Variants in GAB1 observed in about 807,000 individuals in gnomAD.
The protein encoded by GAB1 is GRB2 associated binding protein 1, also known as GRB2-associated-binding protein 1.
GAB1 carries 19 observed loss-of-function variants against 66.5 expected under a neutral mutation model. That is an observed-to-expected ratio of 0.29 (90% CI 0.20 to 0.42). The LOEUF is 0.42. GAB1 is among the 10% of genes least tolerant of loss of function. The probability of loss-of-function intolerance (pLI) is 1.00; values close to 1 mark genes in which losing one functional copy is unlikely to be tolerated. For missense variants in GAB1, 732 were observed against 858.5 expected (o/e 0.85, Z 1.84); for synonymous variants, 294 against 301.4 (o/e 0.98, Z 0.25).
intron 1 of GAB1, among the ~76,000 whole-genome samples, chr4:143,372,423 G>A (rs1730165329): frequency 6.6e-6 from 1 of 152,164 alleles, no homozygotes; most frequent in South Asian, 2.1e-4. Context: ...ACAAGACAAA[G>A]CTTCTGCCTT....
At chr4:143,456,917 A>T (rs1735222483) in intron 6 of GAB1, among the ~76,000 whole-genome samples, 1 of 152,226 alleles carries the variant, frequency 6.6e-6, no homozygotes, top group Non-Finnish European at 1.5e-5. Context: ...CAGTGCTTTT[A>T]TGTGGCAGAC....
intron 6 of GAB1, among the ~76,000 whole-genome samples, chr4:143,446,400 A>T (rs1458991706): frequency 1.3e-5 from 2 of 152,136 alleles, no homozygotes; most frequent in East Asian, 3.9e-4. Flanking sequence ...ACTAGTTTAC[A>T]GTCCCACCAA....
intron 1 of GAB1, among the ~76,000 whole-genome samples, chr4:143,402,446 A>G (rs778553189): frequency 3.9e-5 from 6 of 152,172 alleles, no homozygotes; most frequent in Non-Finnish European, 8.8e-5. Context: ...TCTGTGTTCC[A>G]CTTGACTTCT....
At chr4:143,461,839 G>T (rs1461606429) in intron 8 of GAB1, among the ~76,000 whole-genome samples, 1 of 152,016 alleles carries the variant, frequency 6.6e-6, no homozygotes, top group African/African-American at 2.4e-5. Context: ...TCAATGAATT[G>T]GTTTTTCATC....
chr4:143,463,886 C>T (rs1357505352), intron 8 of GAB1, among the ~76,000 whole-genome samples: 1 of 152,114 alleles, frequency 6.6e-6, no homozygotes, highest in Non-Finnish European at 1.5e-5. Flanking sequence ...GTTAACTAGC[C>T]ACCCTGAGAA....
chr4:143,369,058 G>GC (rs1730005388), intron 1 of GAB1, among the ~76,000 whole-genome samples: 2 of 152,202 alleles, frequency 1.3e-5, no homozygotes, highest in South Asian at 4.1e-4. Context: ...TCCAGCCTCA[G>GC]CCCCCCGAGT....
intron 1 of GAB1, among the ~76,000 whole-genome samples, chr4:143,405,972 A>G (rs1732021894): frequency 6.6e-6 from 1 of 152,208 alleles, no homozygotes; most frequent in Admixed American, 6.5e-5. Context: ...CTTTAAAAAA[A>G]AAAGCCATTC....
At chr4:143,425,241 A>T in intron 2 of GAB1, 1 of 938,728 alleles carries the variant, frequency 1.1e-6, no homozygotes, top group Non-Finnish European at 1.7e-6. Context: ...AGCTCATGCC[A>T]TTGTTGCCGT....
chr4:143,444,221 T>C (rs893171469), intron 6 of GAB1, among the ~76,000 whole-genome samples: 23 of 152,326 alleles, frequency 1.5e-4, no homozygotes, highest in Middle Eastern at 3.4e-3. Context: ...GCTAAACTTA[T>C]CTAAGGCCCC....
At chr4:143,407,983 A>G (rs1164779317) in intron 1 of GAB1, among the ~76,000 whole-genome samples, 1 of 152,218 alleles carries the variant, frequency 6.6e-6, no homozygotes, top group Non-Finnish European at 1.5e-5. Context: ...AAAGCAATAT[A>G]TTATAATGAC....
chr4:143,370,655 C>T (rs886701581), intron 1 of GAB1, among the ~76,000 whole-genome samples: 4 of 152,060 alleles, frequency 2.6e-5, no homozygotes, highest in African/African-American at 9.7e-5. Context: ...CCCATTAACT[C>T]GTCATTTACA....
chr4:143,356,203 A>G (rs1729441327), intron 1 of GAB1, among the ~76,000 whole-genome samples: 1 of 152,164 alleles, frequency 6.6e-6, no homozygotes, highest in African/African-American at 2.4e-5. Context: ...TTGTGATTTT[A>G]TTTTACCCAC....
chr4:143,351,358 T>C (rs979926055), intron 1 of GAB1, among the ~76,000 whole-genome samples: 3 of 152,130 alleles, frequency 2.0e-5, no homozygotes, highest in Non-Finnish European at 2.9e-5. Flanking sequence ...GCCTGACTCT[T>C]CTCCAGCTTC....
intron 2 of GAB1, chr4:143,425,034 T>C: frequency 1.3e-6 from 1 of 761,352 alleles, no homozygotes; most frequent in South Asian, 1.4e-5. Flanking sequence ...CGTTGTAACT[T>C]AAAGGGAAAC....
At chr4:143,447,836 T>C (rs1734650563) in intron 6 of GAB1, among the ~76,000 whole-genome samples, 2 of 151,994 alleles carry the variant, frequency 1.3e-5, no homozygotes, top group South Asian at 2.1e-4. Context: ...TGAATAGGAG[T>C]GGTGAGAGAG....
chr4:143,405,230 T>TAG (rs992476224), intron 1 of GAB1, among the ~76,000 whole-genome samples: 5 of 151,960 alleles, frequency 3.3e-5, no homozygotes, highest in East Asian at 3.9e-4. Context: ...TATGGATATA[T>TAG]AGAGAGAGAG....
intron 4 of GAB1, among the ~76,000 whole-genome samples, chr4:143,438,937 G>A (rs906645463): frequency 1.2e-4 from 19 of 152,076 alleles, no homozygotes; most frequent in Admixed American, 1.2e-3. Flanking sequence ...AAGCCTCTCC[G>A]AGTCATACCC....
chr4:143,438,671 T>A (rs753520226), intron 4 of GAB1, 71 bp downstream of exon 4: 22 of 1,484,410 alleles, frequency 1.5e-5, no homozygotes, highest in Non-Finnish European at 2.0e-5. Flanking sequence ...ATATTTGTTC[T>A]TTTAAGCGTA....
intron 1 of GAB1, among the ~76,000 whole-genome samples, chr4:143,381,422 T>A (rs1026731942): frequency 4.6e-5 from 7 of 152,158 alleles, no homozygotes; most frequent in African/African-American, 1.7e-4. Context: ...ACTAGAAAGA[T>A]TCAGTATGGT....
Sources: allele counts gnomAD v4.1 joint callset (sites outside exome capture counted in the v4.1 genomes callset), GRCh38; gene constraint gnomAD v4.1.1; transcripts MANE v1.5; gene names NCBI Gene and HGNC (gene_info 2026-07-23, HGNC 2026-07-21).